The following TRPM6 variants were observed in gnomAD, a reference collection of about 807,000 sequenced individuals.
TRPM6 encodes channel kinase 2.
Under a neutral mutation model 247.6 loss-of-function variants are expected in TRPM6, and 111 were observed. The ratio of observed to expected loss-of-function variants is 0.45; its 90% CI spans 0.38 to 0.52. TRPM6 has a LOEUF of 0.52. TRPM6 is among the 20% of genes least tolerant of loss of function. TRPM6 has a pLI of 0.00. For synonymous variants in TRPM6, 892 were observed against 853.8 expected (o/e 1.04, Z -0.78); for missense variants, 2,126 against 2,421.5 (o/e 0.88, Z 2.56).
At chr9:74,746,609 G>A (rs969447926) in intron 31 of TRPM6, among the ~76,000 whole-genome samples, 2 of 152,128 alleles carry the variant, frequency 1.3e-5, no homozygotes, top group Non-Finnish European at 2.9e-5. Flanking sequence ...TCTACCTTTG[G>A]GTAACAGGGA....
At position 74,882,074 on chromosome 9, in the gene TRPM6, G is replaced by T. The variant is rs913635987; in HGVS notation, c.33+5750C>A. On this transcript the variant is annotated intron_variant, in intron 1 of 38. Coordinates refer to ENST00000360774, the MANE Select transcript of TRPM6 (RefSeq NM_017662.5). ...CTCAAGATGCATTAAAGACATAAAT[G>T]CAAGACTTCAACTATAAAGATACTA... Among the ~76,000 whole-genome samples, 2 of 152,074 alleles carry T rather than the reference G, an allele frequency of 1.3e-5. 1 individual carries two copies. The highest frequency in any genetic ancestry group is 1.3e-4 in the Admixed American group (2 of 15,270).
intron 3 of TRPM6, among the ~76,000 whole-genome samples, chr9:74,848,378 C>A (rs186643715): frequency 6.6e-6 from 1 of 152,144 alleles, no homozygotes; most frequent in Admixed American, 6.5e-5. Context: ...GGGTGGGGAG[C>A]GTCTGTAGCA....
intron 28 of TRPM6, 36 bp from the exon 29 acceptor site, chr9:74,752,404 GA>G (rs756714516): frequency 6.8e-6 from 8 of 1,175,020 alleles, no homozygotes; most frequent in Non-Finnish European, 8.7e-6. Flanking sequence ...GAAAATACAT[GA>G]AAATGTGTTA....
At chr9:74,756,307 C>T (rs905819827) in intron 27 of TRPM6, among the ~76,000 whole-genome samples, 2 of 139,726 alleles carry the variant, frequency 1.4e-5, no homozygotes, top group Non-Finnish European at 3.3e-5. Context: ...CTAAAAAAGG[C>T]TGAGGTATTT....
chr9:74,771,110 G>T (rs748245155), intron 25 of TRPM6, among the ~76,000 whole-genome samples: 1 of 152,146 alleles, frequency 6.6e-6, no homozygotes, highest in Non-Finnish European at 1.5e-5. Context: ...TCAGGCGGCT[G>T]CGCTTGCTGT....
intron 21 of TRPM6, among the ~76,000 whole-genome samples, chr9:74,784,267 A>G (rs1228510481): frequency 6.6e-6 from 1 of 151,260 alleles, no homozygotes; most frequent in Non-Finnish European, 1.5e-5. Context: ...CATCTCAGAA[A>G]AAAAAAAAAA....
At chr9:74,797,308 G>A (rs1828132447) in intron 17 of TRPM6, among the ~76,000 whole-genome samples, 1 of 152,184 alleles carries the variant, frequency 6.6e-6, no homozygotes, top group Non-Finnish European at 1.5e-5. Context: ...ACCTCTTGGT[G>A]TCCAAAGGGG....
intron 3 of TRPM6, among the ~76,000 whole-genome samples, chr9:74,854,280 C>T (rs1341342395): frequency 6.6e-6 from 1 of 152,138 alleles, no homozygotes; most frequent in Non-Finnish European, 1.5e-5. Flanking sequence ...CGTTAGTTGT[C>T]TCTGAAGGTT....
intron 6 of TRPM6, among the ~76,000 whole-genome samples, chr9:74,833,355 C>G (rs1213433820): frequency 6.6e-6 from 1 of 152,128 alleles, no homozygotes; most frequent in Non-Finnish European, 1.5e-5. Flanking sequence ...AGTCCGTTCC[C>G]TTTGAAAGAA....
In TRPM6 at chr9:74,782,830, C is replaced by T; in HGVS notation, c.2943G>A (p.Val981=). Residue 981 remains valine (V), a synonymous_variant, in exon 22 of 39, where the codon GTG becomes GTA. Coordinates refer to ENST00000360774, the MANE Select transcript of TRPM6 (RefSeq NM_017662.5). ...TCAGCAGGACTATGGCCATGATGAT[C>T]ACAATATAGAACATGTTTGCTGTCT... ...AKMTANMFYI[V]IIMAIVLLSF... The T allele has an allele frequency of 6.2e-7, 1 of 1,614,102 alleles. No individual in the cohort carries two copies. Among genetic ancestry groups the T allele is most frequent in the Admixed American group, 1.7e-5 (1 of 60,014 alleles).
chr9:74,810,846 AGT>A lies in TRPM6; in HGVS notation c.1464_1465del (p.Leu490AlafsTer22). On this transcript the variant is annotated frameshift_variant, in exon 13 of 39. Transcript: ENST00000360774. LOFTEE classifies it high-confidence loss of function. ...CACATCTTGGACGAGATGATGCAAG[AGT>A]GTATTAGTAGGTCCTTGTTTCTGAA... 6.2e-7 allele frequency: 1 copy of A among 1,613,834 alleles called. No homozygotes were observed. The highest frequency in any genetic ancestry group is 8.5e-7 in the Non-Finnish European group (1 of 1,179,820).
intron 19 of TRPM6, among the ~76,000 whole-genome samples, chr9:74,789,933 C>G (rs943590252): frequency 1.4e-5 from 2 of 139,040 alleles, no homozygotes; most frequent in African/African-American, 2.7e-5. Flanking sequence ...TGCACTCCAG[C>G]CTGGGTGACA....
chr9:74,771,418 TGCGCACACACACACAC>T (rs1827033020), intron 25 of TRPM6, among the ~76,000 whole-genome samples: 1 of 151,486 alleles, frequency 6.6e-6, no homozygotes, highest in African/African-American at 2.5e-5. Context: ...CCTACACACA[TGCGCACACACACACAC>T]GCGCGCGCGC....
At chr9:74,823,635 T>G (rs1012966724) in intron 7 of TRPM6, among the ~76,000 whole-genome samples, 1 of 152,160 alleles carries the variant, frequency 6.6e-6, no homozygotes, top group Non-Finnish European at 1.5e-5. Flanking sequence ...ACATAGGGTT[T>G]CTCTAAATAG....
intron 28 of TRPM6, among the ~76,000 whole-genome samples, chr9:74,753,154 G>GATTTA (rs2118801664): frequency 6.8e-6 from 1 of 147,532 alleles, no homozygotes; most frequent in East Asian, 2.0e-4. Flanking sequence ...CAAATAAATA[G>GATTTA]ATTTAATTTT....
intron 37 of TRPM6, among the ~76,000 whole-genome samples, chr9:74,730,719 C>T (rs1024445552): frequency 3.3e-5 from 5 of 152,160 alleles, no homozygotes. Flanking sequence ...TCCCATGCTT[C>T]GTGTAGCAAG....
chr9:74,861,587 T>C (rs577492486), intron 1 of TRPM6, among the ~76,000 whole-genome samples: 1 of 152,302 alleles, frequency 6.6e-6, no homozygotes, highest in East Asian at 1.9e-4. Flanking sequence ...AATTATTCGA[T>C]TTCTTCATGC....
At chr9:74,751,951 T>C (rs1227439443) in intron 29 of TRPM6, among the ~76,000 whole-genome samples, 2 of 152,254 alleles carry the variant, frequency 1.3e-5, no homozygotes, top group Non-Finnish European at 2.9e-5. Context: ...AAATAGCTTA[T>C]TTTTCTTCCA....
At chr9:74,808,768 T>A (rs1262251134) in intron 13 of TRPM6, among the ~76,000 whole-genome samples, 3 of 152,204 alleles carry the variant, frequency 2.0e-5, no homozygotes, top group Non-Finnish European at 4.4e-5. Context: ...TGGGAGGAAG[T>A]AGAACAAATG....
Sources: gnomAD v4.1 joint callset for allele counts (sites outside exome capture counted in the v4.1 genomes callset) on GRCh38, gnomAD v4.1.1 for gene constraint, MANE v1.5 for transcripts, NCBI Gene and HGNC (gene_info 2026-07-23, HGNC 2026-07-21) for gene names.